The following STAU2 variants were observed in gnomAD, a reference collection of about 807,000 sequenced individuals.
STAU2 encodes staufen double-stranded RNA binding protein 2.
In STAU2, 20 loss-of-function variants were observed where a neutral mutation model predicts 65.9. The ratio of observed to expected loss-of-function variants is 0.30; its 90% CI spans 0.21 to 0.44. The LOEUF (loss-of-function observed/expected upper bound fraction) is 0.44, where lower values mean the gene tolerates loss of function less well. STAU2 is among the 20% of genes least tolerant of loss of function. The pLI is 1.00. For synonymous variants in STAU2, 232 were observed against 233.9 expected (o/e 0.99, Z 0.07); for missense variants, 558 against 683.9 (o/e 0.82, Z 2.05).
At chr8:73,533,787 A>T (rs1037711934) in intron 13 of STAU2, among the ~76,000 whole-genome samples, 1 of 152,164 alleles carries the variant, frequency 6.6e-6, no homozygotes, top group African/African-American at 2.4e-5. Context: ...TAGGTGTGTG[A>T]ATTTTTTTCA....
intron 1 of STAU2, among the ~76,000 whole-genome samples, chr8:73,740,793 G>A (rs185295574): frequency 2.0e-3 from 301 of 152,230 alleles, no homozygotes; most frequent in African/African-American, 6.6e-3. Context: ...CTGAGGTCAG[G>A]AGTTCAAGAC....
rs1672102030 is a variant in STAU2 at position 73,738,157 on chromosome 8, TA to T, written c.-18+126del. ...ACAGCCTCCAATGATGACTATACAG[TA>T]GGTAACTGCTTTAAAAAGTGATGAG... is the stretch of plus-strand genomic sequence containing the variant. On this transcript the variant is annotated intron_variant, in intron 3 of 14. Coordinates refer to ENST00000524300, the MANE Select transcript of STAU2 (RefSeq NM_001164380.2). 3.7e-6 allele frequency: 3 copies of T among 816,956 alleles called. No individual in the cohort carries two copies. In the African/African-American group the frequency reaches 5.2e-5, roughly 14 times the overall value. 50.6% of individuals were successfully genotyped at this position (816,956 alleles called of 1,614,324 possible). A position where few individuals can be genotyped will look rare whatever the true frequency, so the allele number is the denominator to read the frequency against.
At chr8:73,533,376 ACTTT>A (rs1805955532) in intron 13 of STAU2, among the ~76,000 whole-genome samples, 1 of 152,152 alleles carries the variant, frequency 6.6e-6, no homozygotes, top group Admixed American at 6.5e-5. Flanking sequence ...CAAATCTATA[ACTTT>A]TAAGATAAGT....
chr8:73,618,435 G>A (rs1343300677), intron 6 of STAU2, among the ~76,000 whole-genome samples: 1 of 152,154 alleles, frequency 6.6e-6, no homozygotes, highest in Non-Finnish European at 1.5e-5. Context: ...AGCAGCAAGG[G>A]CAGCGAGGCG....
At chr8:73,433,646 G>A (rs558058968) in intron 13 of STAU2, among the ~76,000 whole-genome samples, 4 of 151,588 alleles carry the variant, frequency 2.6e-5, no homozygotes, top group Admixed American at 6.6e-5. Flanking sequence ...GATTAGAGGC[G>A]TGCATCACTA....
chr8:73,541,456 A>G (rs1038205088), intron 13 of STAU2, among the ~76,000 whole-genome samples: 4 of 152,230 alleles, frequency 2.6e-5, no homozygotes, highest in Non-Finnish European at 4.4e-5. Context: ...TCAAAAACCA[A>G]AACCAAAATA....
At chr8:73,533,666 T>A (rs1447060056) in intron 13 of STAU2, among the ~76,000 whole-genome samples, 1 of 152,130 alleles carries the variant, frequency 6.6e-6, no homozygotes, top group Non-Finnish European at 1.5e-5. Context: ...AAGGCCAAGG[T>A]GTGAAAACTG....
intron 13 of STAU2, among the ~76,000 whole-genome samples, chr8:73,546,965 T>C (rs1806979220): frequency 6.6e-6 from 1 of 152,236 alleles, no homozygotes; most frequent in Non-Finnish European, 1.5e-5. Flanking sequence ...TTTCAAATAA[T>C]TCCAAGTAGT....
intron 13 of STAU2, among the ~76,000 whole-genome samples, chr8:73,478,044 A>T (rs1037227457): frequency 3.5e-5 from 5 of 142,028 alleles, no homozygotes; most frequent in South Asian, 2.2e-4. Flanking sequence ...GTATATATAT[A>T]TATTTTTTTT....
intron 10 of STAU2, among the ~76,000 whole-genome samples, chr8:73,601,124 T>C (rs1811601544): frequency 6.6e-6 from 1 of 152,226 alleles, no homozygotes; most frequent in Non-Finnish European, 1.5e-5. Flanking sequence ...ATGCAGTAAA[T>C]TTAAGACTGC....
intron 13 of STAU2, among the ~76,000 whole-genome samples, chr8:73,510,645 G>T (rs920564310): frequency 1.3e-5 from 2 of 152,166 alleles, no homozygotes; most frequent in African/African-American, 4.8e-5. Flanking sequence ...CACGGCGGAA[G>T]GGGAAGCAAA....
chr8:73,509,015 T>C (rs1822231198), intron 13 of STAU2, among the ~76,000 whole-genome samples: 1 of 152,200 alleles, frequency 6.6e-6, no homozygotes, highest in Non-Finnish European at 1.5e-5. Context: ...AGGTAGATAC[T>C]TCGAGTGAAA....
chr8:73,559,237 T>G (rs1003569881), intron 12 of STAU2, among the ~76,000 whole-genome samples: 2 of 152,128 alleles, frequency 1.3e-5, no homozygotes, highest in African/African-American at 4.8e-5. Flanking sequence ...TTCTTGTGAG[T>G]CTATCATTAT....
intron 13 of STAU2, among the ~76,000 whole-genome samples, chr8:73,462,276 T>C (rs1460533710): frequency 6.6e-6 from 1 of 151,850 alleles, no homozygotes; most frequent in Non-Finnish European, 1.5e-5. Context: ...TTTTTTTTAA[T>C]AGAGACAGGG....
At position 73,669,641 on chromosome 8, in the gene STAU2, CT is replaced by C. The variant is rs1817520323; in HGVS notation, c.410+3465del. Among the ~76,000 whole-genome samples the C allele has an allele frequency of 1.2e-4, 17 of 140,584 alleles. No individual in the cohort carries two copies. In the South Asian group the frequency reaches 3.5e-3, roughly 29 times the overall value. 92.2% of individuals were successfully genotyped at this position (140,584 alleles called of 152,430 possible). ...TGCTATTTCTTGAGCCTGGAATTCT[CT>C]CTCTCTCTCTCTCTCTCTCTCTCTC... On this transcript the variant is annotated intron_variant, in intron 6 of 14. Coordinates refer to ENST00000524300, the MANE Select transcript of STAU2 (RefSeq NM_001164380.2).
In STAU2 at chr8:73,687,513, ATAAC is replaced by A. The variant is rs1819012998; in HGVS notation, c.274+1137_274+1140del. On this transcript the variant is annotated intron_variant, in intron 5 of 14. Transcript: ENST00000524300. ...ATATAAAATATAGTTTTTTATATAT[ATAAC>A]TATATATTTAAACTATATATTTAAA... 2.1e-5 allele frequency among the ~76,000 whole-genome samples: 3 copies of A among 142,886 alleles called. No homozygotes were observed. The South Asian group carries it at 6.3e-4, about 30-fold the overall frequency. 93.7% of individuals were successfully genotyped at this position (142,886 alleles called of 152,430 possible). A position where few individuals can be genotyped will look rare whatever the true frequency, so the allele number is the denominator to read the frequency against.
chr8:73,720,741 T>C (rs1198853812), intron 3 of STAU2, among the ~76,000 whole-genome samples: 2 of 138,528 alleles, frequency 1.4e-5, no homozygotes, highest in African/African-American at 5.6e-5. Flanking sequence ...CTCGATCTCC[T>C]GACCTCATGA....
chr8:73,485,141 C>CTTTTTTT (rs10524978), intron 13 of STAU2, among the ~76,000 whole-genome samples: 2 of 82,824 alleles, frequency 2.4e-5, no homozygotes, highest in African/African-American at 5.6e-5. Context: ...CATCCTTACT[C>CTTTTTTT]TTTTTTTTTT....
intron 13 of STAU2, among the ~76,000 whole-genome samples, chr8:73,433,557 G>A (rs1176558296): frequency 6.8e-6 from 1 of 147,414 alleles, no homozygotes; most frequent in Non-Finnish European, 1.5e-5. Context: ...CTAGAGTGCA[G>A]TGGCACAATA....
Sources: allele counts gnomAD v4.1 joint callset (sites outside exome capture counted in the v4.1 genomes callset), GRCh38; gene constraint gnomAD v4.1.1; transcripts MANE v1.5; gene names NCBI Gene and HGNC (gene_info 2026-07-23, HGNC 2026-07-21).